GRM5: variants seen among roughly 807,000 people sequenced by gnomAD.
GRM5 encodes metabotropic glutamate receptor 5.
Under a neutral mutation model 83.1 loss-of-function variants are expected in GRM5, and 19 were observed. The ratio of observed to expected loss-of-function variants is 0.23; its 90% CI spans 0.16 to 0.34. The LOEUF (loss-of-function observed/expected upper bound fraction) is 0.34. Among genes scored for constraint, GRM5 ranks in the 10% least tolerant of loss-of-function variants. The pLI is 1.00. For synonymous variants in GRM5, 675 were observed against 633.6 expected (o/e 1.07, Z -0.98); for missense variants, 1,160 against 1,588.3 (o/e 0.73, Z 4.58).
At chr11:88,776,292 G>T (rs1347514177) in intron 3 of GRM5, among the ~76,000 whole-genome samples, 1 of 151,874 alleles carries the variant, frequency 6.6e-6, no homozygotes, top group Non-Finnish European at 1.5e-5. Flanking sequence ...CATTTGTTTG[G>T]TAGATCTTCC....
At chr11:89,045,226 G>A (rs1283990441) in intron 2 of GRM5, among the ~76,000 whole-genome samples, 2 of 151,986 alleles carry the variant, frequency 1.3e-5, no homozygotes, top group African/African-American at 4.8e-5. Context: ...CAAATAGAAT[G>A]TTTTCATGTA....
chr11:88,877,482 T>TATC (rs1944874777), intron 2 of GRM5, among the ~76,000 whole-genome samples: 1 of 151,904 alleles, frequency 6.6e-6, no homozygotes, highest in African/African-American at 2.4e-5. Flanking sequence ...TTAAGCAGTT[T>TATC]ATTATTATTA....
In GRM5 at chr11:89,047,061, T is replaced by C. The variant is rs1327904133; in HGVS notation, c.661+151A>G. ...GTTTAAGTCTTTGTCTCTCTAGATATATGCCATCCAGTCTGTTCTTATAGT... is the reference window on the plus strand; with the variant it reads ...GTTTAAGTCTTTGTCTCTCTAGATACATGCCATCCAGTCTGTTCTTATAGT... On this transcript the variant is annotated intron_variant, in intron 2 of 9. Transcript: ENST00000305447. The surrounding 1 kb of genome is among the most constrained non-coding windows in gnomAD (Gnocchi z 5.1). 6.5e-6 allele frequency: 4 copies of C among 618,734 alleles called. No homozygotes were observed. Among genetic ancestry groups the C allele is most frequent in the African/African-American group, 5.5e-5 (3 of 54,226 alleles). The allele number at this position is 618,734 out of a possible 1,614,324, so 38.3% of individuals were successfully genotyped here.
chr11:88,577,215 C>T (rs973227685), intron 7 of GRM5, among the ~76,000 whole-genome samples: 1 of 152,014 alleles, frequency 6.6e-6, no homozygotes, highest in Non-Finnish European at 1.5e-5. Flanking sequence ...CAGATTTTAC[C>T]TCCTTTTTCT....
At chr11:88,695,032 T>G (rs150669364) in intron 3 of GRM5, among the ~76,000 whole-genome samples, 2 of 152,290 alleles carry the variant, frequency 1.3e-5, no homozygotes, top group East Asian at 3.9e-4. Flanking sequence ...TAATGACTGA[T>G]GCAAGAGAGA....
intron 4 of GRM5, among the ~76,000 whole-genome samples, chr11:88,642,775 C>A (rs2135288677): frequency 6.6e-6 from 1 of 152,248 alleles, no homozygotes; most frequent in African/African-American, 2.4e-5. Context: ...ACAAGGATGA[C>A]CTTTTCACTA....
intron 2 of GRM5, among the ~76,000 whole-genome samples, chr11:88,869,754 CAGTCATT>C (rs1944731745): frequency 6.6e-6 from 1 of 151,374 alleles, no homozygotes; most frequent in African/African-American, 2.4e-5. Context: ...GAGCCAACAG[CAGTCATT>C]AGTCATGGTT....
At chr11:88,706,760 A>G (rs2135379548) in intron 3 of GRM5, among the ~76,000 whole-genome samples, 1 of 150,310 alleles carries the variant, frequency 6.7e-6, no homozygotes, top group African/African-American at 2.4e-5. Flanking sequence ...ATTCTCCAAG[A>G]TATGAATGCT....
intron 2 of GRM5, among the ~76,000 whole-genome samples, chr11:88,940,091 A>G (rs1264021218): frequency 6.6e-6 from 1 of 151,970 alleles, no homozygotes; most frequent in African/African-American, 2.4e-5. Flanking sequence ...CTAGTTTTAA[A>G]CGTCAGGGTT....
At chr11:88,806,952 T>C (rs1943509052) in intron 3 of GRM5, among the ~76,000 whole-genome samples, 1 of 152,230 alleles carries the variant, frequency 6.6e-6, no homozygotes, top group Admixed American at 6.5e-5. Flanking sequence ...TTATCTTCTT[T>C]TAAGACTTGA....
intron 8 of GRM5, among the ~76,000 whole-genome samples, chr11:88,543,733 A>G (rs1942326728): frequency 6.6e-6 from 1 of 150,676 alleles, no homozygotes; most frequent in Non-Finnish European, 1.5e-5. Flanking sequence ...CCTTACTAAC[A>G]TTATTTTTTA....
At chr11:88,856,352 T>C (rs1204930535) in intron 2 of GRM5, among the ~76,000 whole-genome samples, 1 of 152,058 alleles carries the variant, frequency 6.6e-6, no homozygotes, top group Non-Finnish European at 1.5e-5. Flanking sequence ...CAAACAAACA[T>C]ATTAACCTAG....
chr11:88,531,867 C>T (rs1942018043), intron 8 of GRM5, among the ~76,000 whole-genome samples: 1 of 152,000 alleles, frequency 6.6e-6, no homozygotes, highest in Admixed American at 6.6e-5. Flanking sequence ...TCTACTATGG[C>T]CCGTAGTCTT....
chr11:88,989,624 C>T (rs1453414908), intron 2 of GRM5, among the ~76,000 whole-genome samples: 1 of 138,836 alleles, frequency 7.2e-6, no homozygotes, highest in Non-Finnish European at 1.5e-5. Context: ...AAGCTCTCCT[C>T]AGCAAATGTA....
chr11:88,904,229 A>C (rs866578318), intron 2 of GRM5, among the ~76,000 whole-genome samples: 2 of 152,216 alleles, frequency 1.3e-5, no homozygotes, highest in African/African-American at 2.4e-5. Context: ...CATAATTGTC[A>C]ATTTGTATGT....
At chr11:88,683,981 G>A (rs1940558411) in intron 3 of GRM5, among the ~76,000 whole-genome samples, 1 of 152,184 alleles carries the variant, frequency 6.6e-6, no homozygotes, top group Non-Finnish European at 1.5e-5. Context: ...CAGCTAGACT[G>A]GTAAGGAAAT....
At chr11:88,932,725 T>C (rs1035648879) in intron 2 of GRM5, among the ~76,000 whole-genome samples, 1 of 151,894 alleles carries the variant, frequency 6.6e-6, no homozygotes, top group African/African-American at 2.4e-5. Context: ...AGGGGTTCTG[T>C]AGACATTTTC....
intron 2 of GRM5, among the ~76,000 whole-genome samples, chr11:88,983,921 T>C (rs1468508926): frequency 6.6e-6 from 1 of 152,004 alleles, no homozygotes; most frequent in Non-Finnish European, 1.5e-5. Context: ...TATCTCAGTT[T>C]TTAACAAAAA....
intron 2 of GRM5, among the ~76,000 whole-genome samples, chr11:88,983,074 A>ACATACACACACAC (rs1491557751): frequency 1.3e-5 from 2 of 152,048 alleles, no homozygotes; most frequent in African/African-American, 4.8e-5. Context: ...CACACACACA[A>ACATACACACACAC]ACACAAAATT....
Sources: allele counts gnomAD v4.1 joint callset (sites outside exome capture counted in the v4.1 genomes callset), GRCh38; gene constraint gnomAD v4.1.1; non-coding constraint Gnocchi (gnomAD v3.1); transcripts MANE v1.5; gene names NCBI Gene and HGNC (gene_info 2026-07-23, HGNC 2026-07-21).